The following RSF1 variants were observed in gnomAD, a reference collection of about 807,000 sequenced individuals.
RSF1 encodes HBV pX-associated protein 8.
A neutral mutation model predicts 145.2 loss-of-function variants in RSF1; 13 were observed. The observed-to-expected ratio is 0.09, with a 90% CI of 0.06 to 0.14. RSF1 has a LOEUF of 0.14. RSF1 is among the 10% of genes least tolerant of loss of function. The pLI is 1.00. For missense variants in RSF1, 1,517 were observed against 1,718.2 expected, an observed-to-expected ratio of 0.88 and a Z score of 2.07; for synonymous variants, 577 against 592.6, an observed-to-expected ratio of 0.97 and a Z score of 0.38.
In RSF1 at chr11:77,700,819, C is replaced by T. The variant is rs372817127; in HGVS notation, c.2410G>A (p.Glu804Lys). The T allele has an allele frequency of 1.2e-6, 2 of 1,612,568 alleles. No homozygotes were observed. The highest frequency in any genetic ancestry group is 1.7e-6 in the Non-Finnish European group (2 of 1,179,786). Residue 804 changes from glutamate (E) to lysine (K), a missense_variant, in exon 6 of 16, where the codon GAA (glutamate) becomes AAA (lysine). By Grantham distance (56) the Glu-to-Lys change is moderately conservative (BLOSUM62 1). Transcript: ENST00000308488. ...QKADKKRGEG[E>K]DEVEEESTAL... ...GTTGACTCTTCTTCCACCTCATCTT[C>T]TCCTTCCCCTCTTTTTTTATCAGCT...
At chr11:77,856,388 T>C in the RSF1 span, among the ~76,000 whole-genome samples, 4 of 152,322 alleles carry the variant, frequency 2.6e-5, no homozygotes, top group East Asian at 5.8e-4. Context: ...TCCTTTCTTC[T>C]TCTGAGCCCT....
At chr11:77,686,293 A>G (rs1960001853) in intron 9 of RSF1, among the ~76,000 whole-genome samples, 1 of 151,348 alleles carries the variant, frequency 6.6e-6, no homozygotes, top group South Asian at 2.1e-4. Flanking sequence ...CTATTGTCCC[A>G]GCTACTCAGA....
chr11:77,735,039 G>GGA (rs1451719200), intron 4 of RSF1: 1 of 1,458,664 alleles, frequency 6.9e-7, no homozygotes, highest in Non-Finnish European at 9.5e-7. Flanking sequence ...CGGCGACTAA[G>GGA]GAGAGGTGGC....
the RSF1 span, among the ~76,000 whole-genome samples, chr11:77,826,361 C>CA: frequency 0.14 from 19,344 of 141,966 alleles, 1,372 homozygotes; most frequent in Admixed American, 0.2. Context: ...GACATCATCT[C>CA]AAAAAAAAAA....
chr11:77,691,038 G>A (rs1304417906), intron 9 of RSF1, 121 bp downstream of exon 9: 1 of 825,588 alleles, frequency 1.2e-6, no homozygotes, highest in Non-Finnish European at 1.9e-6. Context: ...AAAGGAGGCT[G>A]GATTTGGCCC....
At position 77,702,123 on chromosome 11, in the gene RSF1, T is replaced by C; in HGVS notation, c.1106A>G (p.Glu369Gly). ...GTCATTTTTAAGTTTCTCAGTTTCT[T>C]CAGTAGATTTCTCAGTAATTTCGTG... is the stretch of plus-strand genomic sequence containing the variant. ...SSHEITEKST[E>G]ETEKLKNDQQ... The change falls in exon 6 of 16, where the codon GAA (glutamate) becomes GGA (glycine). Residue 369 changes from glutamate (E) to glycine (G), a missense_variant. Transcript: ENST00000308488. 1.2e-6 allele frequency: 2 copies of C among 1,613,486 alleles called. No homozygotes were observed. Among genetic ancestry groups the C allele is most frequent in the Non-Finnish European group, 1.7e-6 (2 of 1,179,846 alleles).
At chr11:77,861,929 T>C in the RSF1 span, among the ~76,000 whole-genome samples, 1 of 152,228 alleles carries the variant, frequency 6.6e-6, no homozygotes, top group South Asian at 2.1e-4. Flanking sequence ...GTGATAAACC[T>C]ATCCTTTAAG....
chr11:77,784,465 G>C (rs1358129540), intron 1 of RSF1, among the ~76,000 whole-genome samples: 3 of 150,994 alleles, frequency 2.0e-5, no homozygotes, highest in African/African-American at 7.3e-5. Context: ...CATCATTTCT[G>C]AATCTGCTTC....
chr11:77,749,020 C>T (rs757864502), intron 2 of RSF1, among the ~76,000 whole-genome samples: 2 of 152,106 alleles, frequency 1.3e-5, no homozygotes, highest in Non-Finnish European at 2.9e-5. Context: ...ATAGACAAGG[C>T]TTGAAAACAT....
chr11:77,737,005 G>A lies in RSF1; in HGVS notation c.578+3726C>T, dbSNP rs7930079. Among the ~76,000 whole-genome samples, 499 of 152,276 alleles carry A rather than the reference G, an allele frequency of 3.3e-3. 3 individuals are homozygous for A. The highest frequency in any genetic ancestry group is 0.011 in the African/African-American group (467 of 41,544). On this transcript the variant is annotated intron_variant, in intron 4 of 15. Coordinates refer to ENST00000308488, the MANE Select transcript of RSF1 (RefSeq NM_016578.4). ...AAATCAGAGAGTCAATAAACCAAAT[G>A]ATTTCTGAATGCTCCCAAATATTTC... is the stretch of plus-strand genomic sequence containing the variant.
At chr11:77,743,890 A>G (rs1332707001) in intron 3 of RSF1, among the ~76,000 whole-genome samples, 1 of 152,118 alleles carries the variant, frequency 6.6e-6, no homozygotes, top group Admixed American at 6.6e-5. Context: ...TATTCTTTTC[A>G]CACCTAATTT....
At chr11:77,773,523 T>C (rs2135947545) in intron 1 of RSF1, among the ~76,000 whole-genome samples, 1 of 152,342 alleles carries the variant, frequency 6.6e-6, no homozygotes, top group Admixed American at 6.5e-5. Context: ...AAATCTAACT[T>C]AACCTTACCT....
At position 77,740,724 on chromosome 11, in the gene RSF1, A is replaced by G. The variant is rs1473858149; in HGVS notation, c.578+7T>C. 1.9e-6 allele frequency: 3 copies of G among 1,610,448 alleles called. No homozygotes were observed. Among genetic ancestry groups the G allele is most frequent in the Non-Finnish European group, 2.5e-6 (3 of 1,176,742 alleles). On this transcript the variant is annotated splice_region_variant and intron_variant, in intron 4 of 15. Coordinates refer to ENST00000308488, the MANE Select transcript of RSF1 (RefSeq NM_016578.4). ...AATAAGTGTAAAAAGGTTCCAATAA[A>G]AGATACCTGACAATGCATTTCCATG...
intron 15 of RSF1, 45 bp downstream of exon 15, chr11:77,671,997 T>C: frequency 1.3e-6 from 2 of 1,491,140 alleles, no homozygotes; most frequent in Non-Finnish European, 1.8e-6. Flanking sequence ...ATAATGTCTA[T>C]TTTGCCCTGT....
rs548580666 is a variant in RSF1, at chr11:77,764,208, A to G, written c.279+390T>C. On this transcript the variant is annotated intron_variant, in intron 2 of 15. Coordinates refer to ENST00000308488, the MANE Select transcript of RSF1 (RefSeq NM_016578.4). ...CAGGGGTTGGGGACCTCTGTTCTAT[A>G]TAACAGAGTCTAGGGGAACCACTAA... The G allele has an allele frequency of 4.2e-5, 7 of 168,398 alleles. No homozygotes were observed. The South Asian group carries it at 9.5e-4, about 23-fold the overall frequency. The allele number at this position is 168,398 out of a possible 1,614,324, so 10.4% of individuals were successfully genotyped here.
At chr11:77,689,034 G>A (rs371960951) in intron 9 of RSF1, among the ~76,000 whole-genome samples, 6 of 152,182 alleles carry the variant, frequency 3.9e-5, no homozygotes, top group African/African-American at 1.4e-4. Context: ...TATGAGTCAG[G>A]GGATATAAGG....
chr11:77,753,878 C>T (rs1035804225), intron 2 of RSF1, among the ~76,000 whole-genome samples: 1 of 152,182 alleles, frequency 6.6e-6, no homozygotes, highest in Non-Finnish European at 1.5e-5. Context: ...CAATCTGTGG[C>T]CCCACCCAGC....
At chr11:77,700,044 A>G in intron 6 of RSF1, among the ~76,000 whole-genome samples, 1 of 152,078 alleles carries the variant, frequency 6.6e-6, no homozygotes, top group East Asian at 1.9e-4. Flanking sequence ...ATGAACATCC[A>G]CATAAATGCA....
At chr11:77,832,473 T>C in the RSF1 span, among the ~76,000 whole-genome samples, 2 of 152,028 alleles carry the variant, frequency 1.3e-5, no homozygotes, top group Admixed American at 6.6e-5. Flanking sequence ...ATTACAGGCA[T>C]GCGCCACCAT....
Sources: gnomAD v4.1 joint callset for allele counts (sites outside exome capture counted in the v4.1 genomes callset) on GRCh38, gnomAD v4.1.1 for gene constraint, MANE v1.5 for transcripts, NCBI Gene and HGNC (gene_info 2026-07-23, HGNC 2026-07-21) for gene names.